Variants in ABI3BP observed in about 807,000 individuals in gnomAD.
The protein encoded by ABI3BP is target of Nesh-SH3.
Under a neutral mutation model 268.6 loss-of-function variants are expected in ABI3BP, and 216 were observed. That is an observed-to-expected ratio of 0.80 (90% confidence interval 0.72 to 0.90). ABI3BP has a LOEUF of 0.90. Ranked by LOEUF, ABI3BP falls within the 40% of genes least tolerant of loss-of-function variation. The probability of loss-of-function intolerance (pLI) is 0.00; values close to 1 mark genes in which losing one functional copy is unlikely to be tolerated. For missense variants in ABI3BP, 2,090 were observed against 2,182.4 expected (o/e 0.96, Z 0.84); for synonymous variants, 730 against 730.0 (o/e 1.00, Z 0.00).
intron 57 of ABI3BP, among the ~76,000 whole-genome samples, chr3:100,783,394 C>G (rs1394259471): frequency 6.6e-6 from 1 of 152,110 alleles, no homozygotes; most frequent in African/African-American, 2.4e-5. Context: ...CAATATCTGC[C>G]AAATCATATG....
chr3:100,799,381 T>A (rs1487505744), intron 51 of ABI3BP, among the ~76,000 whole-genome samples: 1 of 152,172 alleles, frequency 6.6e-6, no homozygotes, highest in Non-Finnish European at 1.5e-5. Context: ...TAAGGGCTGT[T>A]TATAGGTTTT....
At chr3:100,763,329 G>C (rs2096077139) in intron 63 of ABI3BP, among the ~76,000 whole-genome samples, 1 of 151,916 alleles carries the variant, frequency 6.6e-6, no homozygotes, top group Non-Finnish European at 1.5e-5. Flanking sequence ...CGGGTGTGGT[G>C]GTAGGTGCCC....
chr3:100,951,397 CTG>C (rs2074944673), intron 1 of ABI3BP, among the ~76,000 whole-genome samples: 1 of 151,972 alleles, frequency 6.6e-6, no homozygotes, highest in Admixed American at 6.6e-5. Context: ...CACAAAGTTT[CTG>C]TCTTTTGCTC....
chr3:100,762,071 C>G (rs1428913156), intron 63 of ABI3BP, among the ~76,000 whole-genome samples: 3 of 152,144 alleles, frequency 2.0e-5, no homozygotes, highest in African/African-American at 7.2e-5. Flanking sequence ...CAAATTTCCT[C>G]CAAGCATTGA....
intron 57 of ABI3BP, among the ~76,000 whole-genome samples, chr3:100,785,108 A>G (rs1439012070): frequency 1.3e-5 from 2 of 152,190 alleles, no homozygotes; most frequent in African/African-American, 4.8e-5. Context: ...GATCACAAAC[A>G]CTTCCTTTAT....
At chr3:100,801,128 ATTT>A (rs540075827) in intron 51 of ABI3BP, among the ~76,000 whole-genome samples, 1 of 145,538 alleles carries the variant, frequency 6.9e-6, no homozygotes, top group Non-Finnish European at 1.5e-5. Context: ...GCATTAGTGC[ATTT>A]TTTTTTTTAG....
At position 100,754,545 on chromosome 3, in the gene ABI3BP, T is replaced by G. The variant is rs1358618122; in HGVS notation, c.4930+67A>C. ...TGTAGTGGGTTTCAAACAAACTTCCTACGCAAAACATTGCTCCACTGTGGC... is the reference window on the plus strand; with the variant it reads ...TGTAGTGGGTTTCAAACAAACTTCCGACGCAAAACATTGCTCCACTGTGGC... On this transcript the variant is annotated intron_variant, in intron 64 of 67. Transcript: ENST00000471714. 4 of 1,450,300 alleles carry G rather than the reference T, an allele frequency of 2.8e-6. No individual in the cohort carries two copies. In the African/African-American group the frequency reaches 4.2e-5, roughly 15 times the overall value. 89.8% of individuals were successfully genotyped at this position (1,450,300 alleles called of 1,614,324 possible). A position where few individuals can be genotyped will look rare whatever the true frequency, so the allele number is the denominator to read the frequency against.
At chr3:100,957,824 T>A (rs1377417461) in intron 1 of ABI3BP, among the ~76,000 whole-genome samples, 1 of 152,206 alleles carries the variant, frequency 6.6e-6, no homozygotes, top group African/African-American at 2.4e-5. Context: ...AGGTACTTAG[T>A]GTAACTGCTT....
chr3:100,913,612 A>C (rs982787111), intron 2 of ABI3BP, among the ~76,000 whole-genome samples: 4 of 152,194 alleles, frequency 2.6e-5, no homozygotes, highest in Non-Finnish European at 5.9e-5. Context: ...GAGTAGCATA[A>C]GAATAGAGTA....
chr3:100,772,967 C>T (rs2096592878), intron 61 of ABI3BP, among the ~76,000 whole-genome samples: 1 of 150,578 alleles, frequency 6.6e-6, no homozygotes, highest in African/African-American at 2.4e-5. Context: ...ATCTCAGCTG[C>T]TTGGGGAGGC....
Position 100,758,331 on chromosome 3 carries a change from TA to T in ABI3BP, c.4851-3641del, listed in dbSNP as rs769304341. ...ATAGTAATTATAACTTCACGGGGGC[TA>T]TAAAAGCATCTGTGAGGATTAAATG... On this transcript the variant is annotated intron_variant, in intron 63 of 67. Transcript: ENST00000471714. Among the ~76,000 whole-genome samples, 3 of 152,358 alleles carry T rather than the reference TA, an allele frequency of 2.0e-5. No individual in the cohort carries two copies. In the East Asian group the frequency reaches 5.8e-4, roughly 29 times the overall value.
chr3:100,792,622 A>C, intron 55 of ABI3BP, 69 bp downstream of exon 55: 1 of 1,493,408 alleles, frequency 6.7e-7, no homozygotes, highest in Non-Finnish European at 9.3e-7. Flanking sequence ...ACATTCTGAA[A>C]GAAAATTTCT....
At chr3:100,892,283 C>G (rs1386459347) in intron 4 of ABI3BP, among the ~76,000 whole-genome samples, 1 of 152,018 alleles carries the variant, frequency 6.6e-6, no homozygotes, top group Non-Finnish European at 1.5e-5. Context: ...TGTGAGATAA[C>G]AAGGAAAGGA....
chr3:100,989,431 A>G (rs1210545670), intron 1 of ABI3BP, among the ~76,000 whole-genome samples: 1 of 152,226 alleles, frequency 6.6e-6, no homozygotes, highest in Non-Finnish European at 1.5e-5. Flanking sequence ...AGTTATTAAT[A>G]GCTATGGCAG....
intron 61 of ABI3BP, among the ~76,000 whole-genome samples, chr3:100,771,444 C>T (rs2096541835): frequency 6.6e-6 from 1 of 150,674 alleles, no homozygotes; most frequent in African/African-American, 2.4e-5. Context: ...AAAATATTAC[C>T]TATAATAAGG....
chr3:100,950,551 C>A (rs958861147), intron 1 of ABI3BP, among the ~76,000 whole-genome samples: 3 of 150,056 alleles, frequency 2.0e-5, no homozygotes, highest in African/African-American at 7.6e-5. Flanking sequence ...GTCCAGAGAA[C>A]AGGAAGAAGG....
chr3:100,805,281 A>G (rs1315242941), intron 50 of ABI3BP, among the ~76,000 whole-genome samples: 1 of 152,080 alleles, frequency 6.6e-6, no homozygotes, highest in Non-Finnish European at 1.5e-5. Flanking sequence ...GTGGAATCCT[A>G]TGGAACATGG....
At chr3:100,768,320 C>A (rs1426142463) in intron 62 of ABI3BP, among the ~76,000 whole-genome samples, 2 of 152,042 alleles carry the variant, frequency 1.3e-5, no homozygotes, top group African/African-American at 2.4e-5. Context: ...GATCTCCTGA[C>A]CTCGTAATCC....
At chr3:100,962,701 C>T (rs1483464485) in intron 1 of ABI3BP, among the ~76,000 whole-genome samples, 2 of 152,214 alleles carry the variant, frequency 1.3e-5, no homozygotes, top group African/African-American at 2.4e-5. Flanking sequence ...TTCAAATATT[C>T]TCCCACTTCT....
Sources: allele counts gnomAD v4.1 joint callset (sites outside exome capture counted in the v4.1 genomes callset), GRCh38; gene constraint gnomAD v4.1.1; transcripts MANE v1.5; gene names NCBI Gene and HGNC (gene_info 2026-07-23, HGNC 2026-07-21).